The following LRRC3B variants were observed in gnomAD, a reference collection of about 807,000 sequenced individuals.
LRRC3B encodes the protein leucine-rich repeat-containing protein 3B.
In LRRC3B, 2 loss-of-function variants were observed where a neutral mutation model predicts 12.8. That is an observed-to-expected ratio of 0.16 (90% CI 0.06 to 0.49). The LOEUF is 0.49. Ranked by LOEUF, LRRC3B falls within the 20% of genes least tolerant of loss-of-function variation. The pLI, the probability that LRRC3B is intolerant of heterozygous loss-of-function variation, is 0.96. For missense variants in LRRC3B, 189 were observed against 319.4 expected (o/e 0.59, Z 3.11); for synonymous variants, 132 against 122.0 (o/e 1.08, Z -0.54).
chr3:26,691,361 T>C lies in LRRC3B; in HGVS notation c.-160-18152T>C, dbSNP rs540319183. Among the ~76,000 whole-genome samples the C allele has an allele frequency of 1.8e-4, 28 of 151,852 alleles. No homozygotes were observed. The South Asian group carries it at 2.3e-3, about 12-fold the overall frequency. ...TTCCATTTGATTTGATGGACAGTGG[T>C]TCTGGAAAAGAAAAATGATGAGATT... On this transcript the variant is annotated intron_variant, in intron 1 of 1. Coordinates refer to ENST00000396641, the Ensembl canonical transcript of LRRC3B.
At chr3:26,644,973 GAC>G (rs1314018178) in intron 1 of LRRC3B, among the ~76,000 whole-genome samples, 1 of 152,028 alleles carries the variant, frequency 6.6e-6, no homozygotes, top group East Asian at 1.9e-4. Flanking sequence ...TAGACCTGCA[GAC>G]ACATACACAT....
intron 1 of LRRC3B, among the ~76,000 whole-genome samples, chr3:26,683,149 C>A (rs1700004994): frequency 6.6e-6 from 1 of 152,138 alleles, no homozygotes; most frequent in Non-Finnish European, 1.5e-5. Context: ...GAAAGAGAAA[C>A]TAAGAGGCTA....
In LRRC3B at chr3:26,639,668, G is replaced by A. The variant is rs138954456; in HGVS notation, c.-161+16431G>A. 1.5e-4 allele frequency among the ~76,000 whole-genome samples: 23 copies of A among 152,248 alleles called. No individual in the cohort carries two copies. In the East Asian group the frequency reaches 2.1e-3, roughly 14 times the overall value. Reference sequence around the variant, plus strand: ...TGGACAGGACAGGTATAAACTATACGAAGAAACAATTGGAGAGGAATTCAG... The same window carrying A: ...TGGACAGGACAGGTATAAACTATACAAAGAAACAATTGGAGAGGAATTCAG... On this transcript the variant is annotated intron_variant, in intron 1 of 1. Transcript: ENST00000396641.
intron 1 of LRRC3B, among the ~76,000 whole-genome samples, chr3:26,679,374 A>G (rs1428069682): frequency 2.0e-5 from 3 of 152,176 alleles, no homozygotes; most frequent in East Asian, 3.9e-4. Context: ...TGATGGCCTC[A>G]CCAAGCCGGT....
intron 1 of LRRC3B, among the ~76,000 whole-genome samples, chr3:26,647,752 A>G (rs927608429): frequency 6.6e-6 from 1 of 152,200 alleles, no homozygotes; most frequent in African/African-American, 2.4e-5. Context: ...AAAGTCTCCT[A>G]GCTTGGAAAT....
intron 1 of LRRC3B, among the ~76,000 whole-genome samples, chr3:26,636,721 G>A (rs1405540845): frequency 2.0e-5 from 3 of 151,852 alleles, no homozygotes; most frequent in African/African-American, 4.8e-5. Context: ...CCTCCAATAT[G>A]CATCAATTTC....
At chr3:26,649,408 T>A (rs577749391) in intron 1 of LRRC3B, among the ~76,000 whole-genome samples, 1 of 152,296 alleles carries the variant, frequency 6.6e-6, no homozygotes, top group Non-Finnish European at 1.5e-5. Context: ...TTGAGAATAT[T>A]CAGCATGAAA....
At chr3:26,653,198 T>G (rs1217650400) in intron 1 of LRRC3B, among the ~76,000 whole-genome samples, 1 of 151,674 alleles carries the variant, frequency 6.6e-6, no homozygotes, top group Admixed American at 6.6e-5. Flanking sequence ...TCAAAAGACT[T>G]AAGTGGGGAA....
chr3:26,633,422 G>C, intron 1 of LRRC3B, among the ~76,000 whole-genome samples: 1 of 152,168 alleles, frequency 6.6e-6, no homozygotes, highest in East Asian at 1.9e-4. Context: ...CACATGAGAA[G>C]TACTACTTAA....
chr3:26,708,401 GAC>G (rs1270990333), intron 1 of LRRC3B, among the ~76,000 whole-genome samples: 2 of 152,188 alleles, frequency 1.3e-5, no homozygotes, highest in African/African-American at 4.8e-5. Flanking sequence ...GAGTAGATGA[GAC>G]TGGAAGAGAG....
chr3:26,675,810 G>A (rs949081947), intron 1 of LRRC3B, among the ~76,000 whole-genome samples: 1 of 152,028 alleles, frequency 6.6e-6, no homozygotes, highest in Non-Finnish European at 1.5e-5. Flanking sequence ...TGTTTCTTGG[G>A]AAAAACTAGC....
At chr3:26,702,726 A>C (rs911938532) in intron 1 of LRRC3B, among the ~76,000 whole-genome samples, 2 of 152,140 alleles carry the variant, frequency 1.3e-5, no homozygotes, top group African/African-American at 4.8e-5. Context: ...GAGACTGGAC[A>C]CCAACAATTC....
intron 1 of LRRC3B, among the ~76,000 whole-genome samples, chr3:26,662,376 T>C (rs894063974): frequency 2.6e-5 from 4 of 152,130 alleles, no homozygotes; most frequent in Admixed American, 1.3e-4. Context: ...TGTTGAAATA[T>C]TGAAATGTAT....
exon 2 of LRRC3B, chr3:26,709,951 C>T (rs1700708187): frequency 6.8e-6 from 11 of 1,614,174 alleles, no homozygotes; most frequent in Non-Finnish European, 9.3e-6. Flanking sequence ...TGAGAGTTCT[C>T]AACCTGTCCA....
chr3:26,666,257 A>G (rs1447785107), intron 1 of LRRC3B, among the ~76,000 whole-genome samples: 1 of 152,172 alleles, frequency 6.6e-6, no homozygotes, highest in African/African-American at 2.4e-5. Flanking sequence ...GGTGAAGACA[A>G]ATAGATTATT....
At chr3:26,697,643 C>A (rs1423294330) in intron 1 of LRRC3B, among the ~76,000 whole-genome samples, 1 of 152,104 alleles carries the variant, frequency 6.6e-6, no homozygotes, top group Non-Finnish European at 1.5e-5. Context: ...ATCCTCCATG[C>A]AAAATATATT....
At chr3:26,704,061 C>G (rs1700523641) in intron 1 of LRRC3B, among the ~76,000 whole-genome samples, 1 of 152,090 alleles carries the variant, frequency 6.6e-6, no homozygotes, top group African/African-American at 2.4e-5. Context: ...CCCCTCAGTT[C>G]CACTACTCAC....
intron 1 of LRRC3B, among the ~76,000 whole-genome samples, chr3:26,682,122 TG>T (rs1456115798): frequency 6.6e-6 from 1 of 152,176 alleles, no homozygotes; most frequent in Non-Finnish European, 1.5e-5. Flanking sequence ...TCCACCTATC[TG>T]GGGACTATGG....
chr3:26,657,527 G>A (rs1699396803), intron 1 of LRRC3B, among the ~76,000 whole-genome samples: 1 of 152,164 alleles, frequency 6.6e-6, no homozygotes, highest in African/African-American at 2.4e-5. Flanking sequence ...TATCCTTAGT[G>A]ATCACATTCT....
Sources: gnomAD v4.1 joint callset for allele counts (sites outside exome capture counted in the v4.1 genomes callset) on GRCh38, gnomAD v4.1.1 for gene constraint, MANE v1.5 for transcripts, NCBI Gene and HGNC (gene_info 2026-07-23, HGNC 2026-07-21) for gene names.